The following LHFPL2 variants were observed in gnomAD, a reference collection of about 807,000 sequenced individuals.
LHFPL2 encodes LHFPL tetraspan subfamily member 2, also known as LHFPL tetraspan subfamily member 2 protein.
A neutral mutation model predicts 17.5 loss-of-function variants in LHFPL2; 7 were observed. The ratio of observed to expected loss-of-function variants is 0.40; its 90% confidence interval spans 0.23 to 0.75. The LOEUF (loss-of-function observed/expected upper bound fraction) is 0.75, where lower values mean the gene tolerates loss of function less well. Among genes scored for constraint, LHFPL2 ranks in the 30% least tolerant of loss-of-function variants. The pLI is 0.37. For missense variants in LHFPL2, 241 were observed against 294.8 expected, an observed-to-expected ratio of 0.82 and a Z score of 1.34; for synonymous variants, 134 against 116.2, an observed-to-expected ratio of 1.15 and a Z score of -0.99.
intron 2 of LHFPL2, among the ~76,000 whole-genome samples, chr5:78,573,582 G>C (rs1757057515): frequency 6.6e-6 from 1 of 152,166 alleles, no homozygotes; most frequent in African/African-American, 2.4e-5. Context: ...CTCAACAGAG[G>C]GACCTGTAAG....
Position 78,615,857 on chromosome 5 carries a change from G to A in LHFPL2, c.-245+16407C>T, listed in dbSNP as rs192660682. On this transcript the variant is annotated intron_variant, in intron 2 of 4. Coordinates refer to ENST00000380345, the MANE Select transcript of LHFPL2 (RefSeq NM_005779.3). ...CTTCCTCAGCCTGTCCTCTCTTTTC[G>A]ACCATCTGATAAGGGCAATGTTCTG... is the stretch of plus-strand genomic sequence containing the variant. 9.1e-4 allele frequency among the ~76,000 whole-genome samples: 138 copies of A among 151,944 alleles called. No homozygotes were observed. The Middle Eastern group carries it at 0.01, about 11-fold the overall frequency.
At chr5:78,491,714 A>G (rs1271299910) in intron 4 of LHFPL2, among the ~76,000 whole-genome samples, 5 of 152,094 alleles carry the variant, frequency 3.3e-5, no homozygotes, top group African/African-American at 1.2e-4. Flanking sequence ...AAATGGACTA[A>G]TCCATCACTC....
intron 3 of LHFPL2, among the ~76,000 whole-genome samples, chr5:78,545,282 G>A (rs915229435): frequency 2.6e-5 from 4 of 152,154 alleles, no homozygotes; most frequent in African/African-American, 7.2e-5. Context: ...AGGCAACACC[G>A]AAGGCTCTAT....
intron 2 of LHFPL2, chr5:78,624,724 A>G (rs1417933794): frequency 1.3e-5 from 2 of 152,180 alleles, no homozygotes; most frequent in Non-Finnish European, 2.9e-5. Context: ...GAAGTTAAAT[A>G]AGACAGATAA....
At chr5:78,622,960 T>A (rs990979388) in intron 2 of LHFPL2, among the ~76,000 whole-genome samples, 2 of 152,050 alleles carry the variant, frequency 1.3e-5, no homozygotes, top group Admixed American at 6.6e-5. Flanking sequence ...TGATTGGGGA[T>A]CTTATCTAGG....
At chr5:78,628,907 A>G (rs1745151796) in intron 2 of LHFPL2, among the ~76,000 whole-genome samples, 1 of 152,220 alleles carries the variant, frequency 6.6e-6, no homozygotes, top group Non-Finnish European at 1.5e-5. Context: ...GATAAGCATC[A>G]ATGGAGGAGG....
chr5:78,611,741 C>T (rs1286785720), intron 2 of LHFPL2, among the ~76,000 whole-genome samples: 2 of 152,310 alleles, frequency 1.3e-5, no homozygotes, highest in East Asian at 3.9e-4. Context: ...GTCTAATTTG[C>T]CACCTAATTT....
At chr5:78,553,364 C>G (rs1305945729) in intron 3 of LHFPL2, among the ~76,000 whole-genome samples, 1 of 152,198 alleles carries the variant, frequency 6.6e-6, no homozygotes, top group Non-Finnish European at 1.5e-5. Flanking sequence ...ATTGTTCCCT[C>G]CTCTGTCCCC....
intron 2 of LHFPL2, among the ~76,000 whole-genome samples, chr5:78,614,311 C>T (rs1468572817): frequency 6.6e-6 from 1 of 152,244 alleles, no homozygotes; most frequent in East Asian, 1.9e-4. Flanking sequence ...CAACTCTATC[C>T]ACCTTCTCTG....
intron 3 of LHFPL2, among the ~76,000 whole-genome samples, chr5:78,533,068 T>A (rs1478960233): frequency 6.6e-6 from 1 of 152,176 alleles, no homozygotes; most frequent in African/African-American, 2.4e-5. Flanking sequence ...GCCTTACCGA[T>A]GTGGCCGAGT....
chr5:78,586,274 A>G (rs1743395123), intron 2 of LHFPL2, among the ~76,000 whole-genome samples: 1 of 152,150 alleles, frequency 6.6e-6, no homozygotes, highest in Non-Finnish European at 1.5e-5. Context: ...GGCTGCTGTG[A>G]GGATTACGTG....
intron 1 of LHFPL2, among the ~76,000 whole-genome samples, chr5:78,634,115 C>T (rs77736691): frequency 6.6e-6 from 1 of 152,158 alleles, no homozygotes; most frequent in Non-Finnish European, 1.5e-5. Flanking sequence ...GATTACCCCT[C>T]CCCCCAAAAA....
chr5:78,546,385 G>C (rs1756274788), intron 3 of LHFPL2, among the ~76,000 whole-genome samples: 1 of 152,166 alleles, frequency 6.6e-6, no homozygotes, highest in Non-Finnish European at 1.5e-5. Flanking sequence ...GTATGCAAGG[G>C]CATCGGCTCT....
chr5:78,506,061 G>C (rs944181547), intron 4 of LHFPL2, among the ~76,000 whole-genome samples: 1 of 152,244 alleles, frequency 6.6e-6, no homozygotes. Flanking sequence ...ATGGTGCCCT[G>C]AAGGCAGATC....
intron 2 of LHFPL2, among the ~76,000 whole-genome samples, chr5:78,587,594 T>C (rs1463984533): frequency 1.3e-5 from 2 of 152,252 alleles, no homozygotes; most frequent in Non-Finnish European, 2.9e-5. Context: ...TTTGGAAATC[T>C]TATGAATTTC....
At chr5:78,494,567 C>A (rs752284489) in intron 4 of LHFPL2, 63 of 975,142 alleles carry the variant, frequency 6.5e-5, no homozygotes, top group Non-Finnish European at 7.6e-5. Flanking sequence ...AGCTGATGGT[C>A]AGTCACTTGG....
At chr5:78,582,082 A>G (rs945295743) in intron 2 of LHFPL2, among the ~76,000 whole-genome samples, 2 of 152,076 alleles carry the variant, frequency 1.3e-5, no homozygotes, top group Admixed American at 6.6e-5. Flanking sequence ...TTGCGTAGAG[A>G]TGTTTGTAGT....
intron 3 of LHFPL2, among the ~76,000 whole-genome samples, chr5:78,539,805 C>A (rs1028878709): frequency 6.9e-6 from 1 of 144,742 alleles, no homozygotes; most frequent in Admixed American, 6.9e-5. Context: ...ATGAACCAGG[C>A]AAGACTTTTG....
intron 2 of LHFPL2, among the ~76,000 whole-genome samples, chr5:78,629,650 G>A (rs562285558): frequency 1.3e-5 from 2 of 152,304 alleles, no homozygotes; most frequent in East Asian, 3.9e-4. Context: ...CTAATACCTG[G>A]TTCCCAGGCA....
Sources: gnomAD v4.1 joint callset for allele counts (sites outside exome capture counted in the v4.1 genomes callset) on GRCh38, gnomAD v4.1.1 for gene constraint, MANE v1.5 for transcripts, NCBI Gene and HGNC (gene_info 2026-07-23, HGNC 2026-07-21) for gene names.